The following ZBP1 variants were observed in gnomAD, a reference collection of about 807,000 sequenced individuals.
ZBP1 encodes Z-DNA binding protein 1.
A neutral mutation model predicts 41.1 loss-of-function variants in ZBP1; 42 were observed. That is an observed-to-expected ratio of 1.02 (90% CI 0.80 to 1.32). ZBP1 has a LOEUF of 1.32. Ranked by LOEUF, ZBP1 falls within the 40% of genes most tolerant of loss-of-function variation. The pLI, the probability that ZBP1 is intolerant of heterozygous loss-of-function variation, is 0.00. For missense variants in ZBP1, 562 were observed against 549.7 expected (o/e 1.02, Z -0.22); for synonymous variants, 214 against 205.2 (o/e 1.04, Z -0.37).
chr20:57,611,915 C>G lies in ZBP1; in HGVS notation c.686G>C (p.Arg229Pro), dbSNP rs35783509. The G allele has an allele frequency of 1.3e-6, 2 of 1,558,774 alleles. No individual in the cohort carries two copies. Among genetic ancestry groups the G allele is most frequent in the Non-Finnish European group, 1.7e-6 (2 of 1,150,664 alleles). Residue 229 changes from arginine (R) to proline (P), a missense_variant, in exon 6 of 8, where the codon CGC becomes CCC. Transcript: ENST00000371173. ...ACCTGGTGCCATTGAAGGGAGGTGG[C>G]GTGGACCGGCGGAACCTGGCAGGGG... ...VSREDGSAGP[R>P]HLPSMAPGDS...
At position 57,613,329 on chromosome 20, in the gene ZBP1, T is replaced by C. The variant is rs139806443; in HGVS notation, c.504A>G (p.Glu168=). The C allele has an allele frequency of 9.1e-4, 1,468 of 1,612,770 alleles. 9 individuals are homozygous for C. In the African/African-American group the frequency reaches 0.017, roughly 19 times the overall value. ...CTGACTTTGCTCTTCTTCCAGAATC[T>C]TCTGCAAAATAATATTCAACTGTAT... ...QSKAWTIYRP[E]DSGRRAKSAS... The change falls in exon 5 of 8, where the codon GAA becomes GAG. Residue 168 remains glutamate, a splice_region_variant and synonymous_variant. Coordinates refer to ENST00000371173, the MANE Select transcript of ZBP1 (RefSeq NM_030776.3). The surrounding 1 kb of genome is among the most constrained non-coding windows in gnomAD (Gnocchi z 4.5).
At chr20:57,615,682 G>A (rs1278484605) in intron 2 of ZBP1, 102 bp from the exon 3 acceptor site, 16 of 976,292 alleles carry the variant, frequency 1.6e-5, no homozygotes, top group Non-Finnish European at 1.8e-5. Flanking sequence ...TGGCAATGCC[G>A]GTAGTTGCAA....
At chr20:57,607,240 A>C (rs6123711) in intron 7 of ZBP1, 419,118 of 1,303,450 alleles carry the variant, frequency 0.32, 70,763 homozygotes, top group East Asian at 0.56. Context: ...AGTCTGGAAG[A>C]AGTTGATTCC....
intron 4 of ZBP1, 114 bp downstream of exon 4, chr20:57,614,773 T>C: frequency 7.2e-7 from 1 of 1,393,756 alleles, no homozygotes; most frequent in African/African-American, 1.4e-5. Flanking sequence ...CGGTAGGACC[T>C]CCAGAAGCTT....
intron 5 of ZBP1, chr20:57,612,862 G>A (rs937501062): frequency 8.0e-7 from 1 of 1,248,196 alleles, no homozygotes; most frequent in Non-Finnish European, 1.0e-6. Context: ...TGAGGCATAA[G>A]GTCAGGCGCA....
chr20:57,614,164 A>T (rs1447263482), intron 4 of ZBP1, among the ~76,000 whole-genome samples: 1 of 151,784 alleles, frequency 6.6e-6, no homozygotes, highest in African/African-American at 2.4e-5. Context: ...CCTCCCGAGT[A>T]GCTGGGATTA....
chr20:57,614,115 A>G (rs1023333727), intron 4 of ZBP1, among the ~76,000 whole-genome samples: 2 of 151,464 alleles, frequency 1.3e-5, no homozygotes, highest in Non-Finnish European at 2.9e-5. Flanking sequence ...GCTCAGTGCA[A>G]CCTCTGCCTC....
At position 57,620,309 on chromosome 20, in the gene ZBP1, G is replaced by T. The variant is rs753765265; in HGVS notation, c.-14C>A. The T allele has an allele frequency of 6.3e-7, 1 of 1,593,564 alleles. No homozygotes were observed. Among genetic ancestry groups the T allele is most frequent in the Admixed American group, 1.7e-5 (1 of 57,334 alleles). On this transcript the variant is annotated 5_prime_UTR_variant, in exon 1 of 8. Transcript: ENST00000371173. ...AGCCTGGGCCATGCTGACAGCAGCTGCAAGGAGTCGGAGAGACTTGGCAGG... is the reference window on the plus strand; with the variant it reads ...AGCCTGGGCCATGCTGACAGCAGCTTCAAGGAGTCGGAGAGACTTGGCAGG...
rs2070618589 is a variant in ZBP1 at position 57,610,190 on chromosome 20, C to CCTCCTGGGCCAGCCA, written c.1037_1051dup (p.Val346_Gly350dup). 2.5e-6 allele frequency: 4 copies of CCTCCTGGGCCAGCCA among 1,614,176 alleles called. No homozygotes were observed. The highest frequency in any genetic ancestry group is 3.4e-6 in the Non-Finnish European group (4 of 1,180,022). On this transcript the variant is annotated inframe_insertion, in exon 7 of 8. Coordinates refer to ENST00000371173, the MANE Select transcript of ZBP1 (RefSeq NM_030776.3). This position sits in a 1 kb window ranked among gnomAD's most constrained non-coding sequence, Gnocchi z 5.5. ...CTCCCCCTCTCCAGACCCTGCGACT[C>CCTCCTGGGCCAGCCA]CTCCTGGGCCAGCCACCCCTGGGCT...
intron 7 of ZBP1, among the ~76,000 whole-genome samples, chr20:57,606,777 T>A (rs545789748): frequency 6.6e-6 from 1 of 152,352 alleles, no homozygotes; most frequent in South Asian, 2.1e-4. Flanking sequence ...TATAGCTTGG[T>A]TTACTGAATA....
intron 3 of ZBP1, 27 bp from the exon 4 acceptor site, chr20:57,615,087 A>C (rs1405192321): frequency 6.2e-7 from 1 of 1,613,410 alleles, no homozygotes; most frequent in Non-Finnish European, 8.5e-7. Flanking sequence ...CCAGGTGGTT[A>C]GGGAGTAGTC....
rs1303344153 is a variant in ZBP1 at position 57,614,898 on chromosome 20, ATCGT to A, written c.487_490del (p.Thr163PhefsTer25). On this transcript the variant is annotated frameshift_variant, in exon 4 of 8. Transcript: ENST00000371173. LOFTEE classifies it high-confidence loss of function. ...AGCCGGGGGCCTACCTGGGCGGTAA[ATCGT>A]CCATGCTTTGGACTGCTCATCCATG... 1 of 1,614,070 alleles carries A rather than the reference ATCGT, an allele frequency of 6.2e-7. No individual in the cohort carries two copies. Among genetic ancestry groups the A allele is most frequent in the South Asian group, 1.1e-5 (1 of 91,066 alleles).
chr20:57,606,769 T>C (rs2070507854), intron 7 of ZBP1, among the ~76,000 whole-genome samples: 3 of 152,230 alleles, frequency 2.0e-5, no homozygotes, highest in African/African-American at 4.8e-5. Context: ...CACCTGTATA[T>C]AGCTTGGTTT....
intron 1 of ZBP1, chr20:57,616,742 G>A (rs2070846314): frequency 4.1e-6 from 2 of 490,032 alleles, no homozygotes; most frequent in Non-Finnish European, 7.5e-6. Flanking sequence ...CCCGGGTGTG[G>A]GTTCCAGAGG....
In ZBP1 at chr20:57,610,227, T is replaced by G; in HGVS notation, c.1015A>C (p.Lys339Gln). 1 of 1,614,196 alleles carries G rather than the reference T, an allele frequency of 6.2e-7. No individual in the cohort carries two copies. The highest frequency in any genetic ancestry group is 8.5e-7 in the Non-Finnish European group (1 of 1,180,028). Residue 339 changes from lysine (K) to glutamine (Q), a missense_variant, in exon 7 of 8, where the codon AAA (lysine) becomes CAA (glutamine). Physicochemically the swap from Lys to Gln is moderately conservative, Grantham distance 53 (BLOSUM62 1). Transcript: ENST00000371173. This position sits in a 1 kb window ranked among gnomAD's most constrained non-coding sequence, Gnocchi z 5.5. Reference protein sequence around the residue: ...LEDATIGNSNKMSISPGVAGP... With the variant: ...LEDATIGNSNQMSISPGVAGP... ...GCCACCCCTGGGCTGATAGACATTT[T>G]GTTGCTGTTGCCGATGGTGGCGTCC...
In ZBP1 at chr20:57,604,459, G is replaced by A. The variant is rs529034876; in HGVS notation, c.*114C>T. 8.2e-6 allele frequency: 11 copies of A among 1,336,668 alleles called. No individual in the cohort carries two copies. The East Asian group carries it at 2.1e-4, about 25-fold the overall frequency. The allele number at this position is 1,336,668 out of a possible 1,614,324, so 82.8% of individuals were successfully genotyped here. A position where few individuals can be genotyped will look rare whatever the true frequency, so the allele number is the denominator to read the frequency against. On this transcript the variant is annotated 3_prime_UTR_variant, in exon 8 of 8. Transcript: ENST00000371173. ...CCCAAAACTGATTCATGCAGGTTAT[G>A]TCTGGAAGCAAGCAGGTCAAACAAG...
At chr20:57,607,890 G>GACT (rs758437968) in intron 7 of ZBP1, among the ~76,000 whole-genome samples, 43 of 152,174 alleles carry the variant, frequency 2.8e-4, no homozygotes, top group South Asian at 6.2e-4. Flanking sequence ...TAATAGACTA[G>GACT]AGCATCGTGT....
In ZBP1 at chr20:57,611,760, C is replaced by T; in HGVS notation, c.841G>A (p.Gly281Ser). 1 of 1,612,166 alleles carries T rather than the reference C, an allele frequency of 6.2e-7. No homozygotes were observed. The highest frequency in any genetic ancestry group is 1.3e-5 in the African/African-American group (1 of 74,998). The stretch of plus-strand genomic sequence containing the variant: ...CTGCCAGGGGGGATGTGGGCAGGGC[C>T]CTCGGACGGGACGCCGTGGAGCCTC... ...EMRLHGVPSEGPAHIPPGSPP... is the reference protein window; with the variant it reads ...EMRLHGVPSESPAHIPPGSPP... Residue 281 changes from glycine to serine, a missense_variant, in exon 6 of 8, where the codon GGC becomes AGC. Coordinates refer to ENST00000371173, the MANE Select transcript of ZBP1 (RefSeq NM_030776.3).
intron 2 of ZBP1, 126 bp downstream of exon 2, chr20:57,616,116 CAG>C (rs11468882): frequency 0.85 from 729,233 of 857,394 alleles, 311,942 homozygotes; most frequent in East Asian, 0.99. Flanking sequence ...AACCAAGGCA[CAG>C]AGAGAGGAAA....
Sources: gnomAD v4.1 joint callset for allele counts (sites outside exome capture counted in the v4.1 genomes callset) on GRCh38, gnomAD v4.1.1 for gene constraint, Gnocchi (gnomAD v3.1) non-coding constraint, MANE v1.5 for transcripts, NCBI Gene and HGNC (gene_info 2026-07-23, HGNC 2026-07-21) for gene names.